The following MMP26 variants were observed in gnomAD, a reference collection of about 807,000 sequenced individuals.
The protein encoded by MMP26 is matrix metallopeptidase 26.
MMP26 carries 33 observed loss-of-function variants against 31.0 expected under a neutral mutation model. The observed-to-expected ratio is 1.06, with a 90% confidence interval of 0.81 to 1.42. The LOEUF (loss-of-function observed/expected upper bound fraction) is 1.42, where lower values mean the gene tolerates loss of function less well. MMP26 is among the 40% of genes most tolerant of loss of function. MMP26 has a pLI of 0.00. For missense variants in MMP26, 347 were observed against 316.1 expected (o/e 1.10, Z -0.74); for synonymous variants, 122 against 114.9 (o/e 1.06, Z -0.40).
intron 2 of MMP26, among the ~76,000 whole-genome samples, chr11:4,918,003 G>C (rs1851123627): frequency 6.6e-6 from 1 of 151,342 alleles, no homozygotes; most frequent in Admixed American, 6.6e-5. Flanking sequence ...TGGTGAAGAA[G>C]AAAGAAATAG....
chr11:4,981,495 A>C (rs1846813107), intron 2 of MMP26, among the ~76,000 whole-genome samples: 1 of 152,150 alleles, frequency 6.6e-6, no homozygotes, highest in South Asian at 2.1e-4. Context: ...CACAACATAA[A>C]AGATTAAAAA....
chr11:4,790,159 G>T (rs920156412), intron 2 of MMP26, among the ~76,000 whole-genome samples: 2 of 152,014 alleles, frequency 1.3e-5, no homozygotes, highest in Non-Finnish European at 2.9e-5. Flanking sequence ...GGCTAACATA[G>T]TGAAACCCCG....
intron 2 of MMP26, among the ~76,000 whole-genome samples, chr11:4,951,111 C>G (rs1336283328): frequency 2.4e-5 from 3 of 124,722 alleles, no homozygotes. Context: ...GAAAAAGACT[C>G]TAATATTCAT....
intron 2 of MMP26, among the ~76,000 whole-genome samples, chr11:4,852,496 C>T (rs948683089): frequency 6.6e-6 from 1 of 152,106 alleles, no homozygotes; most frequent in African/African-American, 2.4e-5. Flanking sequence ...AGAGCATATT[C>T]ATTTCTCAAA....
At chr11:4,869,773 G>T (rs1425970117) in intron 2 of MMP26, among the ~76,000 whole-genome samples, 1 of 152,158 alleles carries the variant, frequency 6.6e-6, no homozygotes, top group Admixed American at 6.5e-5. Context: ...GCACACCTAT[G>T]TTTATTGCAG....
At chr11:4,973,698 A>G in intron 2 of MMP26, 1 of 178,336 alleles carries the variant, frequency 5.6e-6, no homozygotes, top group Non-Finnish European at 1.3e-5. Context: ...GAGAGAAAAT[A>G]GTACATGGGC....
At chr11:4,756,553 G>C (rs1424737927) in intron 1 of MMP26, 1 of 151,786 alleles carries the variant, frequency 6.6e-6, no homozygotes, top group Non-Finnish European at 1.5e-5. Flanking sequence ...AATTAAGCCG[G>C]TTTTACAAAA....
intron 2 of MMP26, among the ~76,000 whole-genome samples, chr11:4,986,932 C>CCTCTCTCTCTCTCTCTCT (rs1194074123): frequency 5.0e-5 from 3 of 60,406 alleles, no homozygotes; most frequent in African/African-American, 2.1e-4. Context: ...TCTCTCTCTC[C>CCTCTCTCTCTCTCTCTCT]CTCTCTCTCT....
At chr11:4,907,115 A>AAAAAAAAAAAAAAAAAAAC (rs1554890101) in intron 2 of MMP26, among the ~76,000 whole-genome samples, 1 of 144,816 alleles carries the variant, frequency 6.9e-6, no homozygotes, top group Non-Finnish European at 1.5e-5. Flanking sequence ...AAAAAAAAAA[A>AAAAAAAAAAAAAAAAAAAC]TCCTAAAAAT....
intron 6 of MMP26, 83 bp downstream of exon 6, chr11:4,991,579 A>G: frequency 6.5e-7 from 1 of 1,548,956 alleles, no homozygotes; most frequent in African/African-American, 1.4e-5. Flanking sequence ...AGGGATCCAG[A>G]GTGGTCAGGG....
rs78311529 is a variant in MMP26 at position 4,750,267 on chromosome 11, A to G, written c.-216-17003A>G. On this transcript the variant is annotated intron_variant, in intron 1 of 7. Transcript: ENST00000380390. Reference sequence around the variant, plus strand: ...AGGGCTATTATTAAAATGTCAAAAAATAACAGATGTTTGTGAGGATGTGGA... The same window carrying G: ...AGGGCTATTATTAAAATGTCAAAAAGTAACAGATGTTTGTGAGGATGTGGA... Among the ~76,000 whole-genome samples the G allele has an allele frequency of 8.1e-3, 1,228 of 152,182 alleles. 19 individuals carry two copies. Among genetic ancestry groups the G allele is most frequent in the African/African-American group, 0.028 (1,153 of 41,560 alleles).
At chr11:4,714,936 A>T (rs1316282575) in intron 1 of MMP26, among the ~76,000 whole-genome samples, 11 of 151,772 alleles carry the variant, frequency 7.2e-5, no homozygotes, top group Non-Finnish European at 1.6e-4. Flanking sequence ...ACACACACAC[A>T]CACACACACA....
chr11:4,919,884 TCTC>T (rs995263884), intron 2 of MMP26, among the ~76,000 whole-genome samples: 21 of 152,230 alleles, frequency 1.4e-4, no homozygotes, highest in African/African-American at 5.1e-4. Flanking sequence ...AGGGACTTCA[TCTC>T]CTCTTCCTGT....
intron 2 of MMP26, among the ~76,000 whole-genome samples, chr11:4,971,188 G>A (rs1206587537): frequency 6.6e-6 from 1 of 152,158 alleles, no homozygotes; most frequent in East Asian, 1.9e-4. Flanking sequence ...CAGGAAGAAA[G>A]ACTTCCAGCC....
chr11:4,852,786 A>G (rs1849993972), intron 2 of MMP26, among the ~76,000 whole-genome samples: 1 of 152,208 alleles, frequency 6.6e-6, no homozygotes, highest in South Asian at 2.1e-4. Flanking sequence ...TTGAAGCATT[A>G]TTCATAATAG....
chr11:4,822,431 G>A (rs745606609), intron 2 of MMP26: 2 of 1,394,570 alleles, frequency 1.4e-6, no homozygotes, highest in Non-Finnish European at 1.9e-6. Context: ...TGCTACAATG[G>A]AGTAATTGTC....
At chr11:4,824,119 C>T (rs1849549501) in intron 2 of MMP26, among the ~76,000 whole-genome samples, 1 of 151,980 alleles carries the variant, frequency 6.6e-6, no homozygotes, top group South Asian at 2.1e-4. Flanking sequence ...TTGTGGGACA[C>T]TTTGTGGGGG....
At chr11:4,953,334 TTAGG>T (rs1846392759) in intron 2 of MMP26, among the ~76,000 whole-genome samples, 1 of 124,536 alleles carries the variant, frequency 8.0e-6, no homozygotes, top group African/African-American at 2.7e-5. Flanking sequence ...GTTCTAGACA[TTAGG>T]TAGGAAAAAT....
chr11:4,723,735 G>A (rs1245697000), intron 1 of MMP26: 4 of 1,250,530 alleles, frequency 3.2e-6, no homozygotes, highest in Admixed American at 1.7e-5. Context: ...GCCGCCTAAG[G>A]TTGTTGATGT....
Sources: gnomAD v4.1 joint callset for allele counts (sites outside exome capture counted in the v4.1 genomes callset) on GRCh38, gnomAD v4.1.1 for gene constraint, MANE v1.5 for transcripts, NCBI Gene and HGNC (gene_info 2026-07-23, HGNC 2026-07-21) for gene names.